The following NTN4 variants were observed in gnomAD, a reference collection of about 807,000 sequenced individuals.
The protein encoded by NTN4 is netrin 4, also known as netrin-4.
In NTN4, 32 loss-of-function variants were observed where a neutral mutation model predicts 73.6. That is an observed-to-expected ratio of 0.44 (90% CI 0.33 to 0.58). The LOEUF (loss-of-function observed/expected upper bound fraction) is 0.58. Among genes scored for constraint, NTN4 ranks in the 20% least tolerant of loss-of-function variants. NTN4 has a pLI of 0.04. For synonymous variants in NTN4, 258 were observed against 287.5 expected (o/e 0.90, Z 1.04); for missense variants, 654 against 798.3 (o/e 0.82, Z 2.18).
At chr12:95,701,829 A>G (rs1368152663) in intron 5 of NTN4, among the ~76,000 whole-genome samples, 2 of 152,194 alleles carry the variant, frequency 1.3e-5, no homozygotes, top group African/African-American at 4.8e-5. Context: ...CCTAACTGCA[A>G]ACAAAACCCC....
chr12:95,694,528 C>T (rs7315564), intron 5 of NTN4, among the ~76,000 whole-genome samples: 46,948 of 152,020 alleles, frequency 0.31, 7,375 homozygotes, highest in African/African-American at 0.35. Flanking sequence ...TAAGAAGAAA[C>T]GACACAATTT....
At chr12:95,775,509 A>G (rs1322555754) in intron 2 of NTN4, among the ~76,000 whole-genome samples, 1 of 152,242 alleles carries the variant, frequency 6.6e-6, no homozygotes, top group Non-Finnish European at 1.5e-5. Context: ...CAATGGTCTT[A>G]GCAAACGGCA....
chr12:95,746,140 C>G (rs2078860843), intron 2 of NTN4, among the ~76,000 whole-genome samples: 1 of 152,150 alleles, frequency 6.6e-6, no homozygotes, highest in African/African-American at 2.4e-5. Context: ...CAGCCCCTTC[C>G]TCAAGGACTT....
chr12:95,673,355 T>G, intron 7 of NTN4: 1 of 252,240 alleles, frequency 4.0e-6, no homozygotes, highest in East Asian at 9.9e-5. Context: ...ACTTGGGTTT[T>G]TGCGACCGCT....
chr12:95,694,634 TCTG>T (rs2078427420), intron 5 of NTN4, among the ~76,000 whole-genome samples: 2 of 152,274 alleles, frequency 1.3e-5, no homozygotes, highest in South Asian at 4.2e-4. Context: ...CTTCTTTCCT[TCTG>T]CTATCAACTA....
chr12:95,671,618 C>G (rs2078230943), intron 7 of NTN4, among the ~76,000 whole-genome samples: 3 of 152,154 alleles, frequency 2.0e-5, no homozygotes, highest in Admixed American at 6.5e-5. Context: ...ATCCTGAAAC[C>G]ATCCCCTGCC....
intron 5 of NTN4, among the ~76,000 whole-genome samples, chr12:95,694,672 TA>T (rs970633276): frequency 6.6e-6 from 1 of 151,878 alleles, no homozygotes; most frequent in African/African-American, 2.4e-5. Flanking sequence ...TGAAAAGCTA[TA>T]AAAAAATAAG....
chr12:95,785,361 A>G (rs1254214390), intron 2 of NTN4, among the ~76,000 whole-genome samples: 1 of 152,258 alleles, frequency 6.6e-6, no homozygotes, highest in African/African-American at 2.4e-5. Flanking sequence ...CCACATAACA[A>G]AACAATGAGA....
At chr12:95,705,623 T>TTC (rs1173103336) in intron 5 of NTN4, among the ~76,000 whole-genome samples, 1 of 152,232 alleles carries the variant, frequency 6.6e-6, no homozygotes, top group Non-Finnish European at 1.5e-5. Context: ...TCCATTAAAC[T>TTC]TCAGGTCTCA....
chr12:95,729,648 T>A (rs1024169888), intron 3 of NTN4, among the ~76,000 whole-genome samples: 5,250 of 150,966 alleles, frequency 0.035, 302 homozygotes, highest in African/African-American at 0.12. Context: ...TGTGTGTGTG[T>A]GTGTGTGTGT....
chr12:95,732,827 A>G, intron 3 of NTN4, among the ~76,000 whole-genome samples: 1 of 152,244 alleles, frequency 6.6e-6, no homozygotes, highest in East Asian at 1.9e-4. Flanking sequence ...GACATATGAT[A>G]TATGAAAACA....
chr12:95,783,997 T>G (rs1275275949), intron 2 of NTN4, among the ~76,000 whole-genome samples: 1 of 152,128 alleles, frequency 6.6e-6, no homozygotes, highest in East Asian at 1.9e-4. Context: ...ACAAATTGAG[T>G]CTGGCATATA....
In NTN4 at chr12:95,728,914, G is replaced by A. The variant is rs144681605; in HGVS notation, c.864+8952C>T. Among the ~76,000 whole-genome samples, 544 of 152,244 alleles carry A rather than the reference G, an allele frequency of 3.6e-3. 3 individuals are homozygous for A. The highest frequency in any genetic ancestry group is 0.013 in the African/African-American group (520 of 41,544). On this transcript the variant is annotated intron_variant, in intron 3 of 9. Transcript: ENST00000343702. ...GTGATCTGGTTGTTTAAAAGTGTGT[G>A]GAACCTCCCCTACCCTTGCTGCTGC...
chr12:95,777,036 C>T (rs1411839889), intron 2 of NTN4, among the ~76,000 whole-genome samples: 1 of 152,056 alleles, frequency 6.6e-6, no homozygotes, highest in Non-Finnish European at 1.5e-5. Context: ...AATTTTCAAC[C>T]TAGAATTTCA....
intron 2 of NTN4, among the ~76,000 whole-genome samples, chr12:95,773,178 A>G (rs11108256): frequency 6.6e-6 from 1 of 151,838 alleles, no homozygotes; most frequent in East Asian, 1.9e-4. Flanking sequence ...TAATTTTTGT[A>G]TTTGTAGTAG....
rs1260765688 is a variant in NTN4 at position 95,682,770 on chromosome 12, T to C, written c.1447A>G (p.Asn483Asp). 4 of 1,613,998 alleles carry C rather than the reference T, an allele frequency of 2.5e-6. No homozygotes were observed. The highest frequency in any genetic ancestry group is 3.4e-6 in the Non-Finnish European group (4 of 1,179,934). Residue 483 changes from asparagine to aspartate, a missense_variant, in exon 7 of 10, where the codon AAT becomes GAT. By Grantham distance (23) the Asn-to-Asp change is conservative. Transcript: ENST00000343702. ...CACTCCCAGGCTGGTTCGCTCTTATTGTGCACGGGACGGAAGTCAGGAACT... is the reference window on the plus strand; with the variant it reads ...CACTCCCAGGCTGGTTCGCTCTTATCGTGCACGGGACGGAAGTCAGGAACT... ...HEVPDFRPVH[N>D]KSEPAWEWED...
chr12:95,667,418 T>C (rs541136758), intron 8 of NTN4, among the ~76,000 whole-genome samples: 20 of 151,788 alleles, frequency 1.3e-4, no homozygotes, highest in African/African-American at 3.9e-4. Context: ...CATGGAAGAG[T>C]GTGTGTAATG....
intron 2 of NTN4, among the ~76,000 whole-genome samples, chr12:95,749,893 C>T (rs1592702482): frequency 6.7e-6 from 1 of 149,052 alleles, no homozygotes; most frequent in Non-Finnish European, 1.5e-5. Flanking sequence ...ACCCCTCAAC[C>T]CCTTCTCCTT....
chr12:95,761,895 A>G (rs1231972749), intron 2 of NTN4, among the ~76,000 whole-genome samples: 1 of 152,130 alleles, frequency 6.6e-6, no homozygotes, highest in African/African-American at 2.4e-5. Flanking sequence ...GAACTTATCC[A>G]TGGTGGCAAA....
Sources: gnomAD v4.1 joint callset for allele counts (sites outside exome capture counted in the v4.1 genomes callset) on GRCh38, gnomAD v4.1.1 for gene constraint, MANE v1.5 for transcripts, NCBI Gene and HGNC (gene_info 2026-07-23, HGNC 2026-07-21) for gene names.